Variants in ZNRF3 observed in about 807,000 individuals in gnomAD.
The protein encoded by ZNRF3 is E3 ubiquitin-protein ligase ZNRF3.
A neutral mutation model predicts 72.5 loss-of-function variants in ZNRF3; 23 were observed. The observed-to-expected ratio is 0.32, with a 90% CI of 0.23 to 0.45. ZNRF3 has a LOEUF of 0.45. Among genes scored for constraint, ZNRF3 ranks in the 20% least tolerant of loss-of-function variants. The probability of loss-of-function intolerance (pLI) is 1.00; values close to 1 mark genes in which losing one functional copy is unlikely to be tolerated. For synonymous variants in ZNRF3, 610 were observed against 545.3 expected (o/e 1.12, Z -1.65); for missense variants, 1,169 against 1,272.1 (o/e 0.92, Z 1.23).
At chr22:29,031,902 T>G (rs1437179135) in intron 2 of ZNRF3, among the ~76,000 whole-genome samples, 1 of 152,244 alleles carries the variant, frequency 6.6e-6, no homozygotes, top group Non-Finnish European at 1.5e-5. Flanking sequence ...AGGCTCCGGC[T>G]TTAGATGGCT....
chr22:28,946,478 C>T (rs1400933550), intron 1 of ZNRF3, among the ~76,000 whole-genome samples: 1 of 152,180 alleles, frequency 6.6e-6, no homozygotes, highest in Non-Finnish European at 1.5e-5. Context: ...TGTAATGATG[C>T]CTGACTTCAA....
chr22:28,933,778 T>TCTCTCTCC (rs1555970191), intron 1 of ZNRF3, among the ~76,000 whole-genome samples: 1 of 107,314 alleles, frequency 9.3e-6, no homozygotes, highest in African/African-American at 3.8e-5. Context: ...TCTCTCTCTC[T>TCTCTCTCC]CCCCTCCCTC....
chr22:29,001,472 CTTTT>C (rs750297109), intron 2 of ZNRF3, among the ~76,000 whole-genome samples: 1 of 124,994 alleles, frequency 8.0e-6, no homozygotes, highest in Admixed American at 8.0e-5. Context: ...ATTTTTTAAA[CTTTT>C]TTTTTTTTTT....
intron 1 of ZNRF3, among the ~76,000 whole-genome samples, chr22:28,910,681 G>C (rs916517268): frequency 6.6e-6 from 1 of 152,196 alleles, no homozygotes; most frequent in African/African-American, 2.4e-5. Flanking sequence ...TGGACCAGTG[G>C]GAAAGTCAGA....
In ZNRF3 at chr22:29,053,611, C is replaced by A. The variant is rs1342226230; in HGVS notation, c.2800C>A (p.Pro934Thr). Residue 934 changes from proline (P) to threonine (T), a missense_variant, in exon 9 of 9, where the codon CCG becomes ACG. This residue lies in a region of ZNRF3 where 783 missense variants were observed against 731.4 expected (regional missense o/e 1.07). Coordinates refer to ENST00000544604, the MANE Select transcript of ZNRF3 (RefSeq NM_001206998.2). ...PRSHSADSSSPGA is the reference protein window; with the variant it reads ...PRSHSADSSSTGA Reference sequence around the variant, plus strand: ...ATCTCACTCAGCAGACAGCAGCAGCCCGGGAGCCTGAGCTCAGGAGGAACT... The same window carrying A: ...ATCTCACTCAGCAGACAGCAGCAGCACGGGAGCCTGAGCTCAGGAGGAACT... 8 of 1,613,506 alleles carry A rather than the reference C, an allele frequency of 5.0e-6. No homozygotes were observed. Among genetic ancestry groups the A allele is most frequent in the Non-Finnish European group, 8.5e-7 (1 of 1,179,738 alleles).
rs540607507 is a variant in ZNRF3 at position 29,043,341 on chromosome 22, T to G, written c.544T>G (p.Tyr182Asp). The G allele has an allele frequency of 6.2e-7, 1 of 1,613,926 alleles. No individual in the cohort carries two copies. The highest frequency in any genetic ancestry group is 1.7e-5 in the Admixed American group (1 of 59,992). Residue 182 changes from tyrosine (Y) to aspartate (D), a missense_variant, in exon 4 of 9, where the codon TAT becomes GAT. This residue lies in a region of ZNRF3 where 386 missense variants were observed against 540.7 expected (regional missense o/e 0.71). Transcript: ENST00000544604. The stretch of plus-strand genomic sequence containing the variant: ...AGACCCGCTCAAGAGGCCGGTGGTG[T>G]ATGTGAAGGGTGCAGATGCCATTAA... ...SEDPLKRPVV[Y>D]VKGADAIKLM...
intron 1 of ZNRF3, among the ~76,000 whole-genome samples, chr22:28,976,032 C>T (rs1024800539): frequency 6.6e-6 from 1 of 152,164 alleles, no homozygotes; most frequent in Non-Finnish European, 1.5e-5. Flanking sequence ...TCATTCCTTG[C>T]AGTGTATCTT....
intron 1 of ZNRF3, among the ~76,000 whole-genome samples, chr22:28,893,221 G>A (rs1236617397): frequency 1.3e-5 from 2 of 151,914 alleles, no homozygotes; most frequent in African/African-American, 2.4e-5. Flanking sequence ...ACTCAATTAG[G>A]TGTGTGTAAG....
At chr22:29,005,481 GA>G (rs2036225051) in intron 2 of ZNRF3, among the ~76,000 whole-genome samples, 1 of 152,196 alleles carries the variant, frequency 6.6e-6, no homozygotes, top group Non-Finnish European at 1.5e-5. Context: ...TGTAGGAAAA[GA>G]GATGAGCTTG....
chr22:29,004,313 GA>G (rs1236125239), intron 2 of ZNRF3, among the ~76,000 whole-genome samples: 2 of 152,130 alleles, frequency 1.3e-5, no homozygotes, highest in African/African-American at 4.8e-5. Context: ...CTTCCTTGCT[GA>G]AAAAAAGCCC....
At chr22:29,025,887 A>G (rs990580222) in intron 2 of ZNRF3, 1 of 152,210 alleles carries the variant, frequency 6.6e-6, no homozygotes, top group East Asian at 1.9e-4. Flanking sequence ...CGAAAGGGGC[A>G]TTGATGGGAT....
intron 2 of ZNRF3, among the ~76,000 whole-genome samples, chr22:29,004,531 C>G (rs1184687302): frequency 1.3e-5 from 2 of 152,168 alleles, no homozygotes; most frequent in Non-Finnish European, 2.9e-5. Flanking sequence ...GTCTAGGTGG[C>G]CCCTCTGTCA....
chr22:28,923,424 C>T (rs150182912), intron 1 of ZNRF3, among the ~76,000 whole-genome samples: 32 of 152,190 alleles, frequency 2.1e-4, no homozygotes, highest in Middle Eastern at 6.8e-3. Context: ...CCCTCACACC[C>T]GCCAGTCTCA....
At chr22:29,044,735 G>A in intron 4 of ZNRF3, 45 bp from the exon 5 acceptor site, 1 of 1,388,510 alleles carries the variant, frequency 7.2e-7, no homozygotes, top group Non-Finnish European at 1.0e-6. Flanking sequence ...CCGCTTACCA[G>A]GCTGGAGAGA....
intron 2 of ZNRF3, among the ~76,000 whole-genome samples, chr22:29,033,022 C>T (rs1413170816): frequency 6.6e-6 from 1 of 152,142 alleles, no homozygotes; most frequent in African/African-American, 2.4e-5. Flanking sequence ...CATGTGGCCA[C>T]CATTGAGTTT....
chr22:28,962,019 A>C (rs898547289), intron 1 of ZNRF3, among the ~76,000 whole-genome samples: 3 of 152,216 alleles, frequency 2.0e-5, no homozygotes, highest in African/African-American at 7.2e-5. Context: ...GTAAGAATAC[A>C]TGTGGACTTT....
intron 2 of ZNRF3, among the ~76,000 whole-genome samples, chr22:29,034,446 C>T (rs1409983723): frequency 6.6e-6 from 1 of 152,166 alleles, no homozygotes; most frequent in Non-Finnish European, 1.5e-5. Flanking sequence ...CTCACCTTGA[C>T]ATACCATGAG....
chr22:29,036,661 A>G (rs1445120962), intron 2 of ZNRF3, among the ~76,000 whole-genome samples: 2 of 152,202 alleles, frequency 1.3e-5, no homozygotes, highest in African/African-American at 4.8e-5. Context: ...GATTTTATTG[A>G]GATTCTTCAT....
At chr22:29,020,776 GGTGTGTGT>G (rs3037492) in intron 2 of ZNRF3, among the ~76,000 whole-genome samples, 2,199 of 86,128 alleles carry the variant, frequency 0.026, 46 homozygotes, top group South Asian at 0.11. Context: ...TGTGTGTGTG[GGTGTGTGT>G]GTGTGTGTGT....
Sources: gnomAD v4.1 joint callset for allele counts (sites outside exome capture counted in the v4.1 genomes callset) on GRCh38, gnomAD v4.1.1 for gene constraint, gnomAD v4.1.1 regional missense constraint, MANE v1.5 for transcripts, NCBI Gene and HGNC (gene_info 2026-07-23, HGNC 2026-07-21) for gene names.